The following NLRC5 variants were observed in gnomAD, a reference collection of about 807,000 sequenced individuals.
NLRC5 encodes NLR family CARD domain containing 5, also known as protein NLRC5.
Under a neutral mutation model 206.9 loss-of-function variants are expected in NLRC5, and 114 were observed. That is an observed-to-expected ratio of 0.55 (90% CI 0.47 to 0.64). NLRC5 has a LOEUF of 0.64. Among genes scored for constraint, NLRC5 ranks in the 30% least tolerant of loss-of-function variants. The pLI, the probability that NLRC5 is intolerant of heterozygous loss-of-function variation, is 0.00. For missense variants in NLRC5, 2,008 were observed against 2,305.5 expected, an observed-to-expected ratio of 0.87 and a Z score of 2.64; for synonymous variants, 952 against 962.8, an observed-to-expected ratio of 0.99 and a Z score of 0.21.
chr16:57,058,313 G>C, intron 28 of NLRC5, 165 bp downstream of exon 28: 1 of 615,808 alleles, frequency 1.6e-6, no homozygotes, highest in Non-Finnish European at 2.9e-6. Context: ...CTGGCCTTGG[G>C]TCCTTTCCTC....
At chr16:57,045,351 C>G (rs566631455) in intron 20 of NLRC5, 97 bp from the exon 21 acceptor site, 2 of 1,182,928 alleles carry the variant, frequency 1.7e-6, no homozygotes, top group Non-Finnish European at 2.5e-6. Flanking sequence ...GCAGGCCACC[C>G]CAGGCCCTCC....
rs1248123535 is a variant in NLRC5 at position 57,028,110 on chromosome 16, C to G, written c.2114C>G (p.Ala705Gly). ...AAGTGTGGGGATGCCTTTGCAGAAG[C>G]CCTCTCCAGGAGCTTGCCGACAATG... is the stretch of plus-strand genomic sequence containing the variant. ...SRKCGDAFAE[A>G]LSRSLPTMGR... The change falls in exon 7 of 49, where the codon GCC (alanine) becomes GGC (glycine). Residue 705 changes from alanine (A) to glycine (G), a missense_variant. Physicochemically the swap from Ala to Gly is moderately conservative, Grantham distance 60. Coordinates refer to ENST00000688547, the MANE Select transcript of NLRC5 (RefSeq NM_001384950.1). 1 of 1,613,640 alleles carries G rather than the reference C, an allele frequency of 6.2e-7. No homozygotes were observed. The highest frequency in any genetic ancestry group is 8.5e-7 in the Non-Finnish European group (1 of 1,179,870).
intron 16 of NLRC5, among the ~76,000 whole-genome samples, chr16:57,040,391 T>C (rs1233288843): frequency 6.6e-6 from 1 of 152,152 alleles, no homozygotes; most frequent in Admixed American, 6.5e-5. Flanking sequence ...TTAATGATAA[T>C]AGCAGTCAAG....
At chr16:56,999,182 A>G (rs2142248805) in intron 1 of NLRC5, among the ~76,000 whole-genome samples, 1 of 152,274 alleles carries the variant, frequency 6.6e-6, no homozygotes, top group Middle Eastern at 3.4e-3. Flanking sequence ...TCCTGACCTA[A>G]TTACCTCCCC....
intron 22 of NLRC5, among the ~76,000 whole-genome samples, chr16:57,046,970 G>T (rs1042146783): frequency 1.2e-4 from 18 of 152,194 alleles, no homozygotes; most frequent in African/African-American, 4.1e-4. Context: ...AAAGAAAGGG[G>T]TTGGCCTGTC....
chr16:57,042,105 G>GT (rs771977663), intron 19 of NLRC5, 40 bp downstream of exon 19: 5 of 1,293,526 alleles, frequency 3.9e-6, no homozygotes, highest in Non-Finnish European at 5.2e-6. Context: ...GGCTGGGGCA[G>GT]GGGGGGAGCA....
intron 10 of NLRC5, among the ~76,000 whole-genome samples, chr16:57,030,382 A>ATG (rs2061674749): frequency 9.5e-6 from 1 of 104,934 alleles, no homozygotes; most frequent in African/African-American, 3.9e-5. Flanking sequence ...GTGGATGAAA[A>ATG]GATGGATGGA....
At chr16:57,053,639 G>A (rs2065222704) in intron 24 of NLRC5, among the ~76,000 whole-genome samples, 1 of 152,180 alleles carries the variant, frequency 6.6e-6, no homozygotes, top group Middle Eastern at 3.4e-3. Context: ...GGCAATTCTT[G>A]TGCCTCAGCC....
intron 36 of NLRC5, among the ~76,000 whole-genome samples, chr16:57,069,567 T>G (rs1045620630): frequency 4.6e-5 from 7 of 152,258 alleles, no homozygotes; most frequent in Admixed American, 6.5e-5. Flanking sequence ...CTAGCTAAAC[T>G]ACAGTGATAC....
intron 1 of NLRC5, chr16:56,990,486 G>A (rs1900874244): frequency 1.3e-5 from 2 of 152,190 alleles, no homozygotes. Flanking sequence ...GTGGTTTTCG[G>A]TCACTATTCT....
chr16:56,996,608 C>T (rs188681007), intron 1 of NLRC5, among the ~76,000 whole-genome samples: 1 of 151,636 alleles, frequency 6.6e-6, no homozygotes, highest in East Asian at 1.9e-4. Flanking sequence ...TCAGATAAGT[C>T]AAAAAAAATC....
rs1364761327 is a variant in NLRC5, at chr16:57,022,309, C to T, written c.349C>T (p.His117Tyr). 1 of 1,611,602 alleles carries T rather than the reference C, an allele frequency of 6.2e-7. No homozygotes were observed. Among genetic ancestry groups the T allele is most frequent in the Admixed American group, 1.7e-5 (1 of 59,988 alleles). ...EGKSQPESQL[H>Y]HGLKRPHQSC... ...GAAAAGCCAACCTGAATCTCAGCTC[C>T]ACCATGGTGAGGACTGGAGTTGGGG... Residue 117 changes from histidine (H) to tyrosine (Y), a missense_variant, in exon 4 of 49, where the codon CAC (histidine) becomes TAC (tyrosine). Coordinates refer to ENST00000688547, the MANE Select transcript of NLRC5 (RefSeq NM_001384950.1).
intron 32 of NLRC5, among the ~76,000 whole-genome samples, chr16:57,064,155 T>C (rs1197961120): frequency 1.3e-5 from 2 of 152,012 alleles, no homozygotes; most frequent in Non-Finnish European, 2.9e-5. Context: ...TTGTTTGAGC[T>C]CAGGCGTTCA....
chr16:57,074,543 A>T (rs2145006986), intron 38 of NLRC5, 57 bp from the exon 39 acceptor site: 2 of 1,509,900 alleles, frequency 1.3e-6, no homozygotes, highest in East Asian at 4.5e-5. Context: ...TCAGACCCCC[A>T]GACTGGACAG....
intron 1 of NLRC5, among the ~76,000 whole-genome samples, chr16:57,011,356 T>A (rs1405091068): frequency 6.8e-6 from 1 of 148,138 alleles, no homozygotes; most frequent in East Asian, 2.0e-4. Flanking sequence ...GAGGTTGCAG[T>A]GAGCTGAGAT....
chr16:56,993,146 C>G (rs1035821033), intron 1 of NLRC5, among the ~76,000 whole-genome samples: 2 of 151,490 alleles, frequency 1.3e-5, no homozygotes, highest in African/African-American at 4.8e-5. Flanking sequence ...CACACACACA[C>G]ACACACATAT....
chr16:57,015,496 A>C (rs2059952575), intron 1 of NLRC5, among the ~76,000 whole-genome samples: 1 of 152,320 alleles, frequency 6.6e-6, no homozygotes, highest in Admixed American at 6.5e-5. Context: ...CCATGCCTGC[A>C]GTCCCAGCTA....
intron 21 of NLRC5, 48 bp downstream of exon 21, chr16:57,045,540 C>T: frequency 2.5e-6 from 4 of 1,594,282 alleles, no homozygotes; most frequent in Non-Finnish European, 3.4e-6. Flanking sequence ...CGCTCTGGTC[C>T]CCGTCTGTTG....
Position 57,023,853 on chromosome 16 carries a change from G to A in NLRC5, c.424G>A (p.Glu142Lys). 3.1e-6 allele frequency: 5 copies of A among 1,609,230 alleles called. No individual in the cohort carries two copies. Among genetic ancestry groups the A allele is most frequent in the Non-Finnish European group, 4.2e-6 (5 of 1,177,516 alleles). Reference sequence around the variant, plus strand: ...GAAGCAGTGCAAGAAGCAGCAGCTAGGTGGGTACCAGTGTGGGGAGGAACA... The same window carrying A: ...GAAGCAGTGCAAGAAGCAGCAGCTAAGTGGGTACCAGTGTGGGGAGGAACA... ...RRKQCKKQQLELAKKYLQLLR... is the reference protein window; with the variant it reads ...RRKQCKKQQLKLAKKYLQLLR... Residue 142 changes from glutamate (E) to lysine (K), a missense_variant and splice_region_variant, in exon 5 of 49, where the codon GAG (glutamate) becomes AAG (lysine). By Grantham distance (56) the Glu-to-Lys change is moderately conservative. Transcript: ENST00000688547.
Sources: allele counts gnomAD v4.1 joint callset (sites outside exome capture counted in the v4.1 genomes callset), GRCh38; gene constraint gnomAD v4.1.1; transcripts MANE v1.5; gene names NCBI Gene and HGNC (gene_info 2026-07-23, HGNC 2026-07-21).